Variants in NLRP4 observed in about 807,000 individuals in gnomAD.
NLRP4 encodes the protein NACHT, LRR and PYD domains-containing protein 4.
Under a neutral mutation model 84.7 loss-of-function variants are expected in NLRP4, and 44 were observed. That is an observed-to-expected ratio of 0.52 (90% CI 0.41 to 0.67). The LOEUF is 0.67. Among genes scored for constraint, NLRP4 ranks in the 30% least tolerant of loss-of-function variants. The probability of loss-of-function intolerance (pLI) is 0.00; values close to 1 mark genes in which losing one functional copy is unlikely to be tolerated. For missense variants in NLRP4, 1,260 were observed against 1,219.4 expected (o/e 1.03, Z -0.50); for synonymous variants, 544 against 476.4 (o/e 1.14, Z -1.85).
At chr19:55,857,502 T>C in intron 2 of NLRP4, 172 bp from the exon 3 acceptor site, 1 of 610,234 alleles carries the variant, frequency 1.6e-6, no homozygotes, top group South Asian at 2.1e-5. Context: ...TACCCGTGAA[T>C]GGTGTAGTGA....
intron 1 of NLRP4, among the ~76,000 whole-genome samples, chr19:55,849,951 G>GCGGTGTAATGTCTGT (rs5828653): frequency 7.8e-6 from 1 of 128,766 alleles, no homozygotes; most frequent in African/African-American, 3.1e-5. Context: ...TGTAATTTCC[G>GCGGTGTAATGTCTGT]AGACTGCGGT....
At chr19:55,838,923 A>G (rs400297) in intron 1 of NLRP4, among the ~76,000 whole-genome samples, 23,144 of 151,816 alleles carry the variant, frequency 0.15, 1,970 homozygotes, top group East Asian at 0.22. Context: ...TTTCACAAGT[A>G]GACCGAACAT....
intron 1 of NLRP4, among the ~76,000 whole-genome samples, chr19:55,843,704 A>G (rs554073045): frequency 6.6e-6 from 1 of 152,236 alleles, no homozygotes; most frequent in Non-Finnish European, 1.5e-5. Flanking sequence ...TAAAAAAATT[A>G]TAAAAAGAAA....
chr19:55,846,139 G>T (rs950905590), intron 1 of NLRP4, among the ~76,000 whole-genome samples: 2 of 152,114 alleles, frequency 1.3e-5, no homozygotes, highest in Admixed American at 6.6e-5. Flanking sequence ...TTCTTCTAGG[G>T]TTTTTCTGGT....
intron 7 of NLRP4, among the ~76,000 whole-genome samples, 186 bp from the exon 8 acceptor site, chr19:55,876,810 G>T (rs1985390286): frequency 6.6e-6 from 1 of 152,056 alleles, no homozygotes; most frequent in South Asian, 2.1e-4. Flanking sequence ...TTAGTGTTGC[G>T]TGTTATGTGT....
rs143329873 is a variant in NLRP4, at chr19:55,857,266, ATG to A, written c.281-394_281-393del. On this transcript the variant is annotated intron_variant, in intron 2 of 9. Coordinates refer to ENST00000301295, the MANE Select transcript of NLRP4 (RefSeq NM_134444.5). Reference sequence around the variant, plus strand: ...CTTTACATAGTAGCAATGAATGTATATGTGTGTGTGTGTGTCTATTGAAAGCA... The same window carrying A: ...CTTTACATAGTAGCAATGAATGTATATGTGTGTGTGTGTCTATTGAAAGCA... 8.2e-3 allele frequency among the ~76,000 whole-genome samples: 1,237 copies of A among 150,926 alleles called. 22 individuals are homozygous for A. The highest frequency in any genetic ancestry group is 0.028 in the African/African-American group (1,133 of 41,038).
At chr19:55,872,610 G>GA (rs914652044) in intron 7 of NLRP4, among the ~76,000 whole-genome samples, 2 of 151,940 alleles carry the variant, frequency 1.3e-5, no homozygotes, top group Non-Finnish European at 2.9e-5. Flanking sequence ...CATAATTAAA[G>GA]AAAAAATTAG....
chr19:55,858,265 T>TGAC lies in NLRP4; in HGVS notation c.875_877dup (p.Thr292dup), dbSNP rs772692236. The TGAC allele has an allele frequency of 2.5e-6, 4 of 1,614,122 alleles. No individual in the cohort carries two copies. Among genetic ancestry groups the TGAC allele is most frequent in the Non-Finnish European group, 3.4e-6 (4 of 1,180,032 alleles). ...TGCCCGAAGGAGCTCCGGGATCAGG[T>TGAC]GACGATCTCAGAAATCTACCAGCCC... is the stretch of plus-strand genomic sequence containing the variant. On this transcript the variant is annotated inframe_insertion, in exon 3 of 10. Transcript: ENST00000301295. The surrounding 1 kb of genome is among the most constrained non-coding windows in gnomAD (Gnocchi z 4.2).
rs189509426 is a variant in NLRP4 at position 55,849,348 on chromosome 19, C to A, written c.-65-2668C>A. Among the ~76,000 whole-genome samples, 84 of 152,330 alleles carry A rather than the reference C, an allele frequency of 5.5e-4. No individual in the cohort carries two copies. In the South Asian group the frequency reaches 8.3e-3, roughly 15 times the overall value. ...CTTCCAGGCCCTTGCATGAGTGTGACTGTAACAGTACCGTAGACTAAGACT... is the reference window on the plus strand; with the variant it reads ...CTTCCAGGCCCTTGCATGAGTGTGAATGTAACAGTACCGTAGACTAAGACT... On this transcript the variant is annotated intron_variant, in intron 1 of 9. Coordinates refer to ENST00000301295, the MANE Select transcript of NLRP4 (RefSeq NM_134444.5).
At chr19:55,878,700 TG>T in intron 8 of NLRP4, 93 bp from the exon 9 acceptor site, 1 of 1,072,722 alleles carries the variant, frequency 9.3e-7, no homozygotes. Flanking sequence ...CTTGAGGCAA[TG>T]GGGTGTGCCT....
In NLRP4 at chr19:55,857,773, T is replaced by G; in HGVS notation, c.380T>G (p.Val127Gly). ...TEIHLYFEEE[V>G]KQEECDHLDR... Reference sequence around the variant, plus strand: ...ATTCACCTATACTTTGAGGAGGAAGTCAAGCAAGAAGAATGTGACCATTTG... The same window carrying G: ...ATTCACCTATACTTTGAGGAGGAAGGCAAGCAAGAAGAATGTGACCATTTG... Residue 127 changes from valine (V) to glycine (G), a missense_variant, in exon 3 of 10, where the codon GTC becomes GGC. Transcript: ENST00000301295. The G allele has an allele frequency of 6.2e-7, 1 of 1,613,962 alleles. No individual in the cohort carries two copies. The highest frequency in any genetic ancestry group is 1.1e-5 in the South Asian group (1 of 91,074).
intron 1 of NLRP4, among the ~76,000 whole-genome samples, chr19:55,850,049 C>A (rs1373109060): frequency 7.0e-6 from 1 of 141,890 alleles, no homozygotes; most frequent in Non-Finnish European, 1.5e-5. Flanking sequence ...GGTGTGATTT[C>A]CGTAGCTGCG....
intron 1 of NLRP4, 28 bp downstream of exon 1, chr19:55,836,962 T>G (rs1983342150): frequency 6.6e-6 from 1 of 152,050 alleles, no homozygotes; most frequent in Admixed American, 6.6e-5. Flanking sequence ...CCATGAAAGG[T>G]GGGACCCAAG....
intron 5 of NLRP4, among the ~76,000 whole-genome samples, chr19:55,866,126 T>G (rs1187097756): frequency 1.3e-5 from 2 of 152,144 alleles, no homozygotes; most frequent in Non-Finnish European, 2.9e-5. Context: ...CTCCGCCTCC[T>G]GGGTTCAAGT....
intron 2 of NLRP4, 57 bp from the exon 3 acceptor site, chr19:55,857,617 A>G (rs1393545701): frequency 6.6e-7 from 1 of 1,524,788 alleles, no homozygotes; most frequent in Non-Finnish European, 9.0e-7. Context: ...AAAAAAGAAT[A>G]TATGCAGGAA....
At chr19:55,840,261 G>C (rs1179893333) in intron 1 of NLRP4, among the ~76,000 whole-genome samples, 2 of 151,788 alleles carry the variant, frequency 1.3e-5, no homozygotes, top group African/African-American at 4.8e-5. Context: ...AAAATATCCT[G>C]CTATGATTAG....
chr19:55,860,220 C>T (rs1027524940), intron 3 of NLRP4, among the ~76,000 whole-genome samples: 8 of 151,964 alleles, frequency 5.3e-5, no homozygotes, highest in Non-Finnish European at 1.0e-4. Flanking sequence ...CTCCTGACCT[C>T]GTGATCTGCC....
chr19:55,865,603 T>C (rs1356862239), intron 5 of NLRP4, among the ~76,000 whole-genome samples: 1 of 152,246 alleles, frequency 6.6e-6, no homozygotes, highest in Non-Finnish European at 1.5e-5. Flanking sequence ...TGTACACTTT[T>C]CTCTGCAACC....
intron 5 of NLRP4, among the ~76,000 whole-genome samples, chr19:55,865,033 A>C (rs1458390446): frequency 2.0e-5 from 3 of 152,254 alleles, no homozygotes; most frequent in Non-Finnish European, 4.4e-5. Flanking sequence ...CAGGTTTATT[A>C]TAAAAGTAAA....
Sources: gnomAD v4.1 joint callset for allele counts (sites outside exome capture counted in the v4.1 genomes callset) on GRCh38, gnomAD v4.1.1 for gene constraint, Gnocchi (gnomAD v3.1) non-coding constraint, MANE v1.5 for transcripts, NCBI Gene and HGNC (gene_info 2026-07-23, HGNC 2026-07-21) for gene names.